Variants in EIF2AK3 observed in about 807,000 individuals in gnomAD.
EIF2AK3 encodes eukaryotic translation initiation factor 2 alpha kinase 3, also known as eukaryotic translation initiation factor 2-alpha kinase 3.
EIF2AK3 carries 50 observed loss-of-function variants against 113.5 expected under a neutral mutation model. The observed-to-expected ratio is 0.44, with a 90% CI of 0.35 to 0.56. The LOEUF is 0.56. EIF2AK3 is among the 20% of genes least tolerant of loss of function. The pLI is 0.00. For synonymous variants in EIF2AK3, 448 were observed against 495.4 expected, an observed-to-expected ratio of 0.90 and a Z score of 1.27; for missense variants, 1,185 against 1,378.0, an observed-to-expected ratio of 0.86 and a Z score of 2.22.
chr2:88,612,714 T>G (rs1194409936), intron 2 of EIF2AK3, among the ~76,000 whole-genome samples: 1 of 152,182 alleles, frequency 6.6e-6, no homozygotes, highest in African/African-American at 2.4e-5. Flanking sequence ...TGGTAGCAGT[T>G]TCCCATTGGA....
intron 8 of EIF2AK3, among the ~76,000 whole-genome samples, chr2:88,587,614 A>G (rs2104432924): frequency 6.6e-6 from 1 of 152,344 alleles, no homozygotes; most frequent in East Asian, 1.9e-4. Flanking sequence ...CTGATAAATA[A>G]GAGCTAATAA....
chr2:88,626,367 C>A (rs1675858933), intron 1 of EIF2AK3, among the ~76,000 whole-genome samples: 1 of 152,160 alleles, frequency 6.6e-6, no homozygotes, highest in African/African-American at 2.4e-5. Flanking sequence ...TTGTTAAACA[C>A]GCAGATGCCA....
At chr2:88,578,147 C>G (rs978429135) in intron 11 of EIF2AK3, among the ~76,000 whole-genome samples, 1 of 152,112 alleles carries the variant, frequency 6.6e-6, no homozygotes, top group African/African-American at 2.4e-5. Context: ...AAAAATAGTT[C>G]CCTAGTACCC....
chr2:88,595,710 A>T, intron 2 of EIF2AK3, 47 bp from the exon 3 acceptor site: 1 of 1,536,480 alleles, frequency 6.5e-7, no homozygotes, highest in Non-Finnish European at 9.0e-7. Flanking sequence ...ATTAATTATT[A>T]TTTTTTTCTT....
chr2:88,561,681 C>G (rs1249131241), intron 15 of EIF2AK3, among the ~76,000 whole-genome samples: 2 of 152,124 alleles, frequency 1.3e-5, no homozygotes, highest in Non-Finnish European at 2.9e-5. Context: ...ATAGGCAGAG[C>G]CCATTTCTAC....
At chr2:88,626,591 C>T (rs1474086536) in intron 1 of EIF2AK3, among the ~76,000 whole-genome samples, 1 of 152,196 alleles carries the variant, frequency 6.6e-6, no homozygotes, top group Non-Finnish European at 1.5e-5. Flanking sequence ...ACAGCTGTCA[C>T]GCCAGCACAG....
intron 13 of EIF2AK3, among the ~76,000 whole-genome samples, chr2:88,571,487 C>G (rs1054969162): frequency 1.3e-5 from 2 of 152,142 alleles, no homozygotes; most frequent in African/African-American, 4.8e-5. Context: ...TACTACAACC[C>G]CATTAGATGA....
At chr2:88,600,930 T>G (rs1675133867) in intron 2 of EIF2AK3, among the ~76,000 whole-genome samples, 1 of 152,208 alleles carries the variant, frequency 6.6e-6, no homozygotes, top group South Asian at 2.1e-4. Context: ...CAACTTTATT[T>G]TAACTGGTTA....
In EIF2AK3 at chr2:88,587,771, A is replaced by G. The variant is rs1289844496; in HGVS notation, c.1429+211T>C. ...TTTACAGATAAAGAAATTGAGACAC[A>G]GGGGAGTTAGATGTGCCCAACCTAG... On this transcript the variant is annotated intron_variant, in intron 8 of 16. Coordinates refer to ENST00000303236, the MANE Select transcript of EIF2AK3 (RefSeq NM_004836.7). Among the ~76,000 whole-genome samples, 5 of 152,284 alleles carry G rather than the reference A, an allele frequency of 3.3e-5. No individual in the cohort carries two copies. In the South Asian group the frequency reaches 1.0e-3, roughly 32 times the overall value.
At chr2:88,575,739 T>C in intron 12 of EIF2AK3, 1 of 415,328 alleles carries the variant, frequency 2.4e-6, no homozygotes, top group Non-Finnish European at 4.5e-6. Context: ...GAGGACAGGA[T>C]TCCTTGGTGG....
intron 2 of EIF2AK3, among the ~76,000 whole-genome samples, chr2:88,604,837 C>A (rs1224322801): frequency 6.6e-6 from 1 of 152,200 alleles, no homozygotes; most frequent in East Asian, 1.9e-4. Flanking sequence ...CCATAAAGCA[C>A]ATGAAGAATT....
chr2:88,559,252 A>T (rs1056768116), intron 15 of EIF2AK3, among the ~76,000 whole-genome samples: 1 of 152,208 alleles, frequency 6.6e-6, no homozygotes, highest in Non-Finnish European at 1.5e-5. Context: ...TAAAAAATTT[A>T]AAAATAGATG....
At chr2:88,622,604 C>G (rs933272014) in intron 1 of EIF2AK3, among the ~76,000 whole-genome samples, 1 of 152,190 alleles carries the variant, frequency 6.6e-6, no homozygotes, top group African/African-American at 2.4e-5. Flanking sequence ...CATTACTTGC[C>G]TGAAGTATAT....
At chr2:88,588,672 T>A in intron 7 of EIF2AK3, 89 bp downstream of exon 7, 1 of 1,337,866 alleles carries the variant, frequency 7.5e-7, no homozygotes, top group East Asian at 2.3e-5. Flanking sequence ...ACAGTTCTTA[T>A]CTCTGCAGTA....
At chr2:88,626,105 A>G (rs1285500756) in intron 1 of EIF2AK3, among the ~76,000 whole-genome samples, 1 of 152,214 alleles carries the variant, frequency 6.6e-6, no homozygotes, top group Non-Finnish European at 1.5e-5. Flanking sequence ...GGGTGTGATA[A>G]GATTGGCTGT....
At chr2:88,587,502 CTGAG>C (rs931130742) in intron 8 of EIF2AK3, among the ~76,000 whole-genome samples, 2 of 152,098 alleles carry the variant, frequency 1.3e-5, no homozygotes, top group African/African-American at 4.8e-5. Context: ...TTTCTCTTGT[CTGAG>C]TAAGAAGATA....
intron 1 of EIF2AK3, among the ~76,000 whole-genome samples, chr2:88,619,055 C>A (rs1259006366): frequency 6.7e-6 from 1 of 149,338 alleles, no homozygotes; most frequent in Non-Finnish European, 1.5e-5. Flanking sequence ...ATGGTACGAT[C>A]TCTGCTCAAT....
At chr2:88,574,493 T>C (rs1173959685) in intron 13 of EIF2AK3, 173 bp downstream of exon 13, 1 of 733,766 alleles carries the variant, frequency 1.4e-6, no homozygotes, top group Non-Finnish European at 2.2e-6. Context: ...TTTTCAGACA[T>C]AAGACTTCTT....
At position 88,627,181 on chromosome 2, in the gene EIF2AK3, G is replaced by A; in HGVS notation, c.94C>T (p.Arg32Cys). 1 of 1,444,644 alleles carries A rather than the reference G, an allele frequency of 6.9e-7. No homozygotes were observed. Among genetic ancestry groups the A allele is most frequent in the Non-Finnish European group, 9.1e-7 (1 of 1,103,540 alleles). 89.5% of individuals were successfully genotyped at this position (1,444,644 alleles called of 1,614,324 possible). The change falls in exon 1 of 17, where the codon CGC becomes TGC. Residue 32 changes from arginine to cysteine, a missense_variant. Physicochemically the swap from Arg to Cys is radical, Grantham distance 180. This residue lies in a region of EIF2AK3 where 189 missense variants were observed against 175.2 expected (regional missense o/e 1.08). Coordinates refer to ENST00000303236, the MANE Select transcript of EIF2AK3 (RefSeq NM_004836.7). ...GLAARTVAAG[R>C]ARGLPAPTAE... Reference sequence around the variant, plus strand: ...GTCGGCGCTGGGAGGCCACGGGCGCGCCCCGCGGCCACCGTCCTTGCCGCG... The same window carrying A: ...GTCGGCGCTGGGAGGCCACGGGCGCACCCCGCGGCCACCGTCCTTGCCGCG...
Sources: allele counts gnomAD v4.1 joint callset (sites outside exome capture counted in the v4.1 genomes callset), GRCh38; gene constraint gnomAD v4.1.1; regional missense constraint gnomAD v4.1.1; transcripts MANE v1.5; gene names NCBI Gene and HGNC (gene_info 2026-07-23, HGNC 2026-07-21).